COX7B2: variants seen among roughly 807,000 people sequenced by gnomAD.
COX7B2 encodes cytochrome c oxidase subunit 7B2, mitochondrial.
For synonymous variants in COX7B2, 37 were observed against 32.1 expected, an observed-to-expected ratio of 1.15 and a Z score of -0.51; for missense variants, 109 against 95.9, an observed-to-expected ratio of 1.14 and a Z score of -0.57.
intron 2 of COX7B2, among the ~76,000 whole-genome samples, chr4:46,751,682 T>C (rs1253435297): frequency 5.3e-5 from 8 of 151,864 alleles, no homozygotes; most frequent in Non-Finnish European, 8.8e-5. Flanking sequence ...AGGAAAGTGA[T>C]TTTATATTAG....
chr4:46,774,655 A>AT (rs1165576468), intron 2 of COX7B2, among the ~76,000 whole-genome samples: 1 of 151,798 alleles, frequency 6.6e-6, no homozygotes, highest in Admixed American at 6.6e-5. Context: ...AAAATTATTT[A>AT]TTTTTTTCTC....
At chr4:46,785,211 T>G (rs1361941133) in intron 2 of COX7B2, among the ~76,000 whole-genome samples, 1 of 152,150 alleles carries the variant, frequency 6.6e-6, no homozygotes, top group Non-Finnish European at 1.5e-5. Flanking sequence ...TACTCTCACA[T>G]GAATATTGAG....
chr4:46,880,095 T>C (rs1385727654), intron 1 of COX7B2, among the ~76,000 whole-genome samples: 1 of 152,214 alleles, frequency 6.6e-6, no homozygotes, highest in African/African-American at 2.4e-5. Flanking sequence ...GGGTTTGTCG[T>C]AGGTGGCTCT....
At chr4:46,794,321 G>A (rs1441081563) in intron 2 of COX7B2, among the ~76,000 whole-genome samples, 1 of 152,144 alleles carries the variant, frequency 6.6e-6, no homozygotes, top group Non-Finnish European at 1.5e-5. Flanking sequence ...GAGTTAGGAA[G>A]GATTATAATT....
At chr4:46,755,286 T>A (rs374504664) in intron 2 of COX7B2, among the ~76,000 whole-genome samples, 53 of 152,124 alleles carry the variant, frequency 3.5e-4, no homozygotes, top group African/African-American at 1.2e-3. Flanking sequence ...AAAAGCAATA[T>A]ATCTCAACAT....
intron 2 of COX7B2, among the ~76,000 whole-genome samples, chr4:46,784,051 G>A (rs1717621844): frequency 6.6e-6 from 1 of 152,090 alleles, no homozygotes. Context: ...ACTTGTTTTA[G>A]GTTACATGTA....
chr4:46,787,054 T>C (rs556034756), intron 2 of COX7B2, among the ~76,000 whole-genome samples: 2 of 152,312 alleles, frequency 1.3e-5, no homozygotes, highest in African/African-American at 4.8e-5. Flanking sequence ...CAAATTCTCC[T>C]TGTGTGATCT....
intron 2 of COX7B2, among the ~76,000 whole-genome samples, chr4:46,801,899 AAAG>A (rs995945406): frequency 1.3e-5 from 2 of 152,144 alleles, no homozygotes; most frequent in Non-Finnish European, 2.9e-5. Flanking sequence ...TGGGGGGAAA[AAAG>A]AAGTTCTGAA....
At chr4:46,750,207 C>CACACACAT (rs1715271904) in intron 2 of COX7B2, among the ~76,000 whole-genome samples, 1 of 145,164 alleles carries the variant, frequency 6.9e-6, no homozygotes, top group Non-Finnish European at 1.5e-5. Context: ...CACACACACA[C>CACACACAT]ACACACACAC....
intron 2 of COX7B2, among the ~76,000 whole-genome samples, chr4:46,830,460 A>G (rs889120924): frequency 2.0e-5 from 3 of 152,158 alleles, no homozygotes; most frequent in Non-Finnish European, 4.4e-5. Flanking sequence ...TAAAATGACT[A>G]TTTTAGTCTG....
chr4:46,858,583 T>C (rs1220510444), intron 1 of COX7B2, among the ~76,000 whole-genome samples: 1 of 152,174 alleles, frequency 6.6e-6, no homozygotes, highest in Non-Finnish European at 1.5e-5. Context: ...CCTGACCTAA[T>C]TATTTGGTTT....
chr4:46,873,570 T>G (rs1718138147), intron 1 of COX7B2, among the ~76,000 whole-genome samples: 1 of 152,222 alleles, frequency 6.6e-6, no homozygotes, highest in African/African-American at 2.4e-5. Flanking sequence ...TAACGACCAG[T>G]GAAGATGAGC....
chr4:46,833,111 G>C (rs1428516771), intron 2 of COX7B2, among the ~76,000 whole-genome samples: 1 of 152,054 alleles, frequency 6.6e-6, no homozygotes, highest in African/African-American at 2.4e-5. Context: ...CTCCATGTTG[G>C]TCAGGCTGGT....
intron 1 of COX7B2, among the ~76,000 whole-genome samples, chr4:46,896,152 G>C (rs971329495): frequency 3.9e-5 from 6 of 152,066 alleles, no homozygotes; most frequent in Non-Finnish European, 8.8e-5. Context: ...TACTTACTGC[G>C]TATACCTGAG....
At chr4:46,773,610 T>C (rs1477264764) in intron 2 of COX7B2, among the ~76,000 whole-genome samples, 3 of 152,100 alleles carry the variant, frequency 2.0e-5, no homozygotes, top group East Asian at 1.9e-4. Flanking sequence ...AGCTTCAATG[T>C]TGGGGAAAAA....
At chr4:46,889,531 G>A (rs1476095578) in intron 1 of COX7B2, among the ~76,000 whole-genome samples, 2 of 152,176 alleles carry the variant, frequency 1.3e-5, no homozygotes, top group Non-Finnish European at 2.9e-5. Context: ...AAGCAAGATA[G>A]GCAAGGCTGC....
intron 2 of COX7B2, among the ~76,000 whole-genome samples, chr4:46,833,543 G>T (rs1418783708): frequency 6.6e-6 from 1 of 152,146 alleles, no homozygotes; most frequent in Non-Finnish European, 1.5e-5. Flanking sequence ...ATTCAAAAGG[G>T]AAAGTAAAAC....
intron 2 of COX7B2, among the ~76,000 whole-genome samples, chr4:46,768,567 G>A (rs892636827): frequency 2.6e-5 from 4 of 152,032 alleles, no homozygotes; most frequent in Non-Finnish European, 5.9e-5. Context: ...CCTTGCCAGG[G>A]ACCCCACTCT....
At chr4:46,790,950 C>G (rs995812893) in intron 2 of COX7B2, among the ~76,000 whole-genome samples, 1 of 152,186 alleles carries the variant, frequency 6.6e-6, no homozygotes, top group African/African-American at 2.4e-5. Flanking sequence ...TTTGTTTTAG[C>G]CTCAGCTAAT....
Sources: gnomAD v4.1 joint callset for allele counts (sites outside exome capture counted in the v4.1 genomes callset) on GRCh38, gnomAD v4.1.1 for gene constraint, MANE v1.5 for transcripts, NCBI Gene and HGNC (gene_info 2026-07-23, HGNC 2026-07-21) for gene names.